CDH23: variants seen among roughly 807,000 people sequenced by gnomAD.
CDH23 encodes the protein cadherin related 23, also known as cadherin-23.
A neutral mutation model predicts 317.1 loss-of-function variants in CDH23; 189 were observed. The ratio of observed to expected loss-of-function variants is 0.60; its 90% CI spans 0.53 to 0.67. The LOEUF (loss-of-function observed/expected upper bound fraction) is 0.67, where lower values mean the gene tolerates loss of function less well. CDH23 is among the 30% of genes least tolerant of loss of function. The probability of loss-of-function intolerance (pLI) is 0.00; values close to 1 mark genes in which losing one functional copy is unlikely to be tolerated. For synonymous variants in CDH23, 1,839 were observed against 1,876.8 expected, an observed-to-expected ratio of 0.98 and a Z score of 0.52; for missense variants, 4,401 against 4,592.4, an observed-to-expected ratio of 0.96 and a Z score of 1.20.
chr10:71,470,997 G>T (rs1159756085), intron 3 of CDH23, among the ~76,000 whole-genome samples: 1 of 152,130 alleles, frequency 6.6e-6, no homozygotes, highest in Non-Finnish European at 1.5e-5. Flanking sequence ...ATTGAGTTTT[G>T]AGGGTTCCTT....
Position 71,739,697 on chromosome 10 carries a change from C to T in CDH23, c.4413C>T (p.Thr1471=), listed in dbSNP as rs199700008. 2 of 1,613,510 alleles carry T rather than the reference C, an allele frequency of 1.2e-6. No individual in the cohort carries two copies. The highest frequency in any genetic ancestry group is 1.7e-6 in the Non-Finnish European group (2 of 1,179,698). ...GNIAGAFEIV[T]TNDSIGEVFV... ...TCGCGGGGGCCTTTGAGATCGTCACCACCAATGACTCCATTGGCGAAGTGT... is the reference window on the plus strand; with the variant it reads ...TCGCGGGGGCCTTTGAGATCGTCACTACCAATGACTCCATTGGCGAAGTGT... The change falls in exon 36 of 70, where the codon ACC becomes ACT. Residue 1471 remains threonine (T), a synonymous_variant. Coordinates refer to ENST00000224721, the MANE Select transcript of CDH23 (RefSeq NM_022124.6).
At chr10:71,777,178 TG>T (rs1165248994) in intron 38 of CDH23, among the ~76,000 whole-genome samples, 2 of 151,368 alleles carry the variant, frequency 1.3e-5, no homozygotes, top group Non-Finnish European at 3.0e-5. Context: ...GCTGAAAATA[TG>T]TATTTCTTTC....
At chr10:71,675,473 G>A (rs536073569) in intron 15 of CDH23, among the ~76,000 whole-genome samples, 3 of 152,092 alleles carry the variant, frequency 2.0e-5, no homozygotes, top group Non-Finnish European at 4.4e-5. Context: ...AAGTACTAGC[G>A]ACAGCACACC....
intron 11 of CDH23, among the ~76,000 whole-genome samples, chr10:71,626,835 G>A (rs1861756996): frequency 6.6e-6 from 1 of 152,172 alleles, no homozygotes; most frequent in Admixed American, 6.5e-5. Context: ...GAAATGGATG[G>A]ATTGCCTCCA....
At chr10:71,536,543 G>A (rs896864037) in intron 6 of CDH23, among the ~76,000 whole-genome samples, 7 of 152,226 alleles carry the variant, frequency 4.6e-5, no homozygotes, top group African/African-American at 1.7e-4. Flanking sequence ...GGACGATCAC[G>A]AAAACAGGAA....
intron 34 of CDH23, chr10:71,737,800 C>T (rs1839610230): frequency 4.3e-6 from 2 of 468,070 alleles, no homozygotes; most frequent in Non-Finnish European, 4.4e-6. Flanking sequence ...CCTTCACTCT[C>T]CTGCCTCTCC....
intron 6 of CDH23, among the ~76,000 whole-genome samples, chr10:71,522,640 G>T (rs930133523): frequency 2.6e-5 from 4 of 152,134 alleles, no homozygotes; most frequent in South Asian, 2.1e-4. Context: ...TACATTGCAC[G>T]CACCAGGGGG....
intron 35 of CDH23, among the ~76,000 whole-genome samples, chr10:71,739,111 G>A (rs12262777): frequency 0.013 from 2,030 of 152,266 alleles, 52 homozygotes; most frequent in African/African-American, 0.047. Flanking sequence ...GTGTGTTTGC[G>A]GGTGTTAGCA....
chr10:71,615,380 AG>A lies in CDH23; in HGVS notation c.833-123del, dbSNP rs1270634307. On this transcript the variant is annotated intron_variant, in intron 9 of 69. Transcript: ENST00000224721. Reference sequence around the variant, plus strand: ...TACTCTTGAACCAGCATTCATTTCAAGTAACTGATGAGTCTTTAATGCCCAG... The same window carrying A: ...TACTCTTGAACCAGCATTCATTTCAATAACTGATGAGTCTTTAATGCCCAG... 4.2e-6 allele frequency: 3 copies of A among 713,902 alleles called. No homozygotes were observed. In the African/African-American group the frequency reaches 5.2e-5, roughly 12 times the overall value. The allele number at this position is 713,902 out of a possible 1,614,324, so 44.2% of individuals were successfully genotyped here.
intron 55 of CDH23, 33 bp from the exon 56 acceptor site, chr10:71,805,773 G>T (rs748987648): frequency 6.3e-7 from 1 of 1,587,732 alleles, no homozygotes; most frequent in Non-Finnish European, 8.6e-7. Context: ...TCTTTCAGGG[G>T]TCCAGGAGCC....
chr10:71,401,152 C>G (rs964993705), intron 1 of CDH23, among the ~76,000 whole-genome samples: 4 of 152,116 alleles, frequency 2.6e-5, no homozygotes, highest in Non-Finnish European at 4.4e-5. Flanking sequence ...CTTCTGTATT[C>G]CAGCCTCCTG....
chr10:71,677,684 G>A lies in CDH23; in HGVS notation c.1743G>A (p.Val581=), dbSNP rs1001536764. 9 of 1,559,274 alleles carry A rather than the reference G, an allele frequency of 5.8e-6. No individual in the cohort carries two copies. The East Asian group carries it at 2.2e-4, about 38-fold the overall frequency. ...ACGAGCCTTCTGTCACACAGCTGGTGCGGCTCCGGGTAAGGTGCCAGGGAG... is the reference window on the plus strand; with the variant it reads ...ACGAGCCTTCTGTCACACAGCTGGTACGGCTCCGGGTAAGGTGCCAGGGAG... ...RENEPSVTQL[V]RLRATDEDSP... Residue 581 remains valine, a synonymous_variant, in exon 16 of 70, where the codon GTG becomes GTA. Transcript: ENST00000224721.
At chr10:71,658,293 GGAGAGAGAGA>G (rs138447278) in intron 14 of CDH23, among the ~76,000 whole-genome samples, 3 of 150,684 alleles carry the variant, frequency 2.0e-5, no homozygotes, top group African/African-American at 7.3e-5. Context: ...AGCGAGAGAT[GGAGAGAGAGA>G]GAGAGAGAGA....
chr10:71,488,382 G>A (rs1852467644), intron 3 of CDH23, among the ~76,000 whole-genome samples: 1 of 152,206 alleles, frequency 6.6e-6, no homozygotes, highest in Admixed American at 6.5e-5. Context: ...AGGAGTGAGG[G>A]CTACCTGCCA....
At chr10:71,577,110 C>T (rs1469737697) in intron 8 of CDH23, among the ~76,000 whole-genome samples, 4 of 152,088 alleles carry the variant, frequency 2.6e-5, no homozygotes, top group South Asian at 2.1e-4. Flanking sequence ...CTTTTTTGTA[C>T]GTTTCTCCAT....
At chr10:71,687,581 C>T in intron 18 of CDH23, 66 bp from the exon 19 acceptor site, 1 of 1,462,076 alleles carries the variant, frequency 6.8e-7, no homozygotes, top group South Asian at 1.1e-5. Flanking sequence ...TGGTGCCCAC[C>T]TTAGACATCT....
intron 28 of CDH23, chr10:71,717,383 T>C (rs1866314251): frequency 6.6e-6 from 1 of 152,230 alleles, no homozygotes; most frequent in Non-Finnish European, 1.5e-5. Flanking sequence ...CGGAGCTCAG[T>C]GAGCTGCTCT....
chr10:71,533,524 A>ACC (rs1220569586), intron 6 of CDH23, among the ~76,000 whole-genome samples: 58 of 91,328 alleles, frequency 6.4e-4, no homozygotes, highest in African/African-American at 2.3e-3. Flanking sequence ...CTGGCTGGAC[A>ACC]CCACACACAC....
chr10:71,725,309 G>A (rs1866756662), intron 29 of CDH23, 63 bp from the exon 30 acceptor site: 4 of 1,610,494 alleles, frequency 2.5e-6, no homozygotes, highest in Non-Finnish European at 8.5e-7. Context: ...ACCATGGCAG[G>A]CCAGCACAGC....
Sources: allele counts gnomAD v4.1 joint callset (sites outside exome capture counted in the v4.1 genomes callset), GRCh38; gene constraint gnomAD v4.1.1; transcripts MANE v1.5; gene names NCBI Gene and HGNC (gene_info 2026-07-23, HGNC 2026-07-21).